Variants in TRAPPC9 observed in about 807,000 individuals in gnomAD.
TRAPPC9 encodes the protein trafficking protein particle complex subunit 9, also known as IKK2 binding protein.
In TRAPPC9, 83 loss-of-function variants were observed where a neutral mutation model predicts 124.0. The observed-to-expected ratio is 0.67, with a 90% CI of 0.56 to 0.80. The LOEUF is 0.80. Among genes scored for constraint, TRAPPC9 ranks in the 30% least tolerant of loss-of-function variants. The pLI is 0.00. For synonymous variants in TRAPPC9, 638 were observed against 617.5 expected, an observed-to-expected ratio of 1.03 and a Z score of -0.49; for missense variants, 1,302 against 1,508.3, an observed-to-expected ratio of 0.86 and a Z score of 2.27.
intron 21 of TRAPPC9, among the ~76,000 whole-genome samples, chr8:139,740,721 C>T (rs535070053): frequency 6.4e-4 from 98 of 152,250 alleles, no homozygotes; most frequent in African/African-American, 2.3e-3. Context: ...CCCACACGGG[C>T]GGTGAGCTCA....
At chr8:140,021,837 T>C (rs142138397) in intron 18 of TRAPPC9, among the ~76,000 whole-genome samples, 1 of 152,154 alleles carries the variant, frequency 6.6e-6, no homozygotes, top group Non-Finnish European at 1.5e-5. Flanking sequence ...AATGGTAACA[T>C]GGGTCAAGGT....
chr8:140,262,155 G>A (rs1372230019), intron 15 of TRAPPC9, among the ~76,000 whole-genome samples: 1 of 152,158 alleles, frequency 6.6e-6, no homozygotes, highest in Non-Finnish European at 1.5e-5. Context: ...CCCTTAGTAA[G>A]TTCACTGGCT....
intron 1 of TRAPPC9, among the ~76,000 whole-genome samples, chr8:140,452,631 T>C (rs1237252363): frequency 6.6e-6 from 1 of 152,066 alleles, no homozygotes; most frequent in Non-Finnish European, 1.5e-5. Context: ...AAAACGTTAT[T>C]ACCTGATTCC....
At chr8:140,006,518 G>A (rs560746705) in intron 18 of TRAPPC9, among the ~76,000 whole-genome samples, 2 of 152,256 alleles carry the variant, frequency 1.3e-5, no homozygotes, top group East Asian at 3.9e-4. Flanking sequence ...CAAGAGAAAT[G>A]AAAACATGCA....
chr8:140,243,303 C>T lies in TRAPPC9; in HGVS notation c.2431+9474G>A, dbSNP rs760873209. Among the ~76,000 whole-genome samples, 9 of 152,110 alleles carry T rather than the reference C, an allele frequency of 5.9e-5. 1 individual carries two copies. Among genetic ancestry groups the T allele is most frequent in the Middle Eastern group, 3.2e-3 (1 of 316 alleles). On this transcript the variant is annotated intron_variant, in intron 16 of 22. Transcript: ENST00000438773. ...AGGAGGAGCCCATCTTCCTCTACAA[C>T]GAAACAGATGGGAAAAACAAGTGTA... is the stretch of plus-strand genomic sequence containing the variant.
At chr8:140,352,417 C>T (rs1200475137) in intron 9 of TRAPPC9, among the ~76,000 whole-genome samples, 1 of 152,196 alleles carries the variant, frequency 6.6e-6, no homozygotes, top group African/African-American at 2.4e-5. Context: ...TCAAGGTCTA[C>T]CAGCAAGTCA....
intron 15 of TRAPPC9, among the ~76,000 whole-genome samples, chr8:140,261,311 T>C (rs1476418443): frequency 1.3e-5 from 2 of 152,194 alleles, no homozygotes; most frequent in Admixed American, 1.3e-4. Flanking sequence ...TATGCTAGGT[T>C]CTGGGGACAG....
rs1423383673 is a variant in TRAPPC9 at position 139,742,284 on chromosome 8, G to A, written c.3056-10082C>T. On this transcript the variant is annotated intron_variant, in intron 21 of 22. Coordinates refer to ENST00000438773, the MANE Select transcript of TRAPPC9 (RefSeq NM_001160372.4). The surrounding 1 kb of genome is among the most constrained non-coding windows in gnomAD (Gnocchi z 4.7). ...ACCCCCAACCGGCCATGCTGCCGGC[G>A]CTCACTGCTCCCTGTGCAGACAGCC... Among the ~76,000 whole-genome samples, 4 of 152,190 alleles carry A rather than the reference G, an allele frequency of 2.6e-5. No individual in the cohort carries two copies. The highest frequency in any genetic ancestry group is 2.9e-5 in the Non-Finnish European group (2 of 68,040).
chr8:139,960,469 T>TCC (rs1835305531), intron 19 of TRAPPC9, among the ~76,000 whole-genome samples: 1 of 152,124 alleles, frequency 6.6e-6, no homozygotes, highest in Non-Finnish European at 1.5e-5. Context: ...CCTCCTTGGG[T>TCC]TCTCCCGCCT....
rs74795220 is a variant in TRAPPC9, at chr8:140,251,784, C to G, written c.2431+993G>C. ...ACACCAGAGCTCCCTCTCTCCTCCA[C>G]GTGGAGACGCAGCACGAAGGTGGCC... On this transcript the variant is annotated intron_variant, in intron 16 of 22. Transcript: ENST00000438773. Among the ~76,000 whole-genome samples, 341 of 152,298 alleles carry G rather than the reference C, an allele frequency of 2.2e-3. 2 individuals are homozygous for G. The highest frequency in any genetic ancestry group is 7.5e-3 in the African/African-American group (312 of 41,558).
At chr8:139,860,631 G>C (rs764723945) in intron 21 of TRAPPC9, among the ~76,000 whole-genome samples, 2 of 152,176 alleles carry the variant, frequency 1.3e-5, no homozygotes, top group African/African-American at 4.8e-5. Context: ...ACTTCCTTCA[G>C]CACTTCCCCC....
At chr8:140,189,457 T>G (rs1359710219) in intron 17 of TRAPPC9, among the ~76,000 whole-genome samples, 1 of 152,186 alleles carries the variant, frequency 6.6e-6, no homozygotes, top group African/African-American at 2.4e-5. Context: ...CACGTTACAG[T>G]TCTACCAAGC....
At chr8:139,869,904 G>A (rs1828790332) in intron 21 of TRAPPC9, among the ~76,000 whole-genome samples, 1 of 151,956 alleles carries the variant, frequency 6.6e-6, no homozygotes, top group Non-Finnish European at 1.5e-5. Flanking sequence ...ATGGAAAAGA[G>A]TAGAAACAGG....
At chr8:140,448,399 T>C (rs1305370354) in intron 2 of TRAPPC9, among the ~76,000 whole-genome samples, 5 of 152,198 alleles carry the variant, frequency 3.3e-5, no homozygotes, top group Non-Finnish European at 7.4e-5. Flanking sequence ...TCAGTCCTTA[T>C]CCACTATGCG....
At chr8:140,238,235 T>G (rs567214332) in intron 16 of TRAPPC9, 18 of 152,360 alleles carry the variant, frequency 1.2e-4, no homozygotes, top group Non-Finnish European at 2.2e-4. Flanking sequence ...ATTTTCATTC[T>G]ATCCTGCTAG....
intron 9 of TRAPPC9, among the ~76,000 whole-genome samples, 154 bp downstream of exon 9, chr8:140,359,896 C>T (rs2067889650): frequency 6.6e-6 from 1 of 151,940 alleles, no homozygotes; most frequent in Admixed American, 6.6e-5. Flanking sequence ...AAGGAGGGAG[C>T]CAAGGCATGG....
intron 5 of TRAPPC9, among the ~76,000 whole-genome samples, chr8:140,412,190 T>C (rs1340985547): frequency 6.6e-6 from 1 of 152,234 alleles, no homozygotes; most frequent in Non-Finnish European, 1.5e-5. Flanking sequence ...TCTGATTTAA[T>C]GCATGATGGA....
intron 17 of TRAPPC9, among the ~76,000 whole-genome samples, chr8:140,145,234 T>A (rs2061443658): frequency 6.6e-6 from 1 of 152,016 alleles, no homozygotes; most frequent in South Asian, 2.1e-4. Context: ...ATACTGACAA[T>A]CCTCTCATCT....
chr8:140,091,986 C>A (rs1844594360), intron 17 of TRAPPC9, among the ~76,000 whole-genome samples: 1 of 151,630 alleles, frequency 6.6e-6, no homozygotes, highest in Non-Finnish European at 1.5e-5. Flanking sequence ...ACGCTGACCA[C>A]CCCCAGCCCA....
Sources: allele counts gnomAD v4.1 joint callset (sites outside exome capture counted in the v4.1 genomes callset), GRCh38; gene constraint gnomAD v4.1.1; non-coding constraint Gnocchi (gnomAD v3.1); transcripts MANE v1.5; gene names NCBI Gene and HGNC (gene_info 2026-07-23, HGNC 2026-07-21).